The following RIN2 variants were observed in gnomAD, a reference collection of about 807,000 sequenced individuals.
RIN2 encodes the protein Ras and Rab interactor 2, also known as RAB5 interacting protein 2.
Under a neutral mutation model 78.0 loss-of-function variants are expected in RIN2, and 36 were observed. The ratio of observed to expected loss-of-function variants is 0.46; its 90% CI spans 0.35 to 0.61. RIN2 has a LOEUF of 0.61. RIN2 is among the 20% of genes least tolerant of loss of function. The pLI is 0.00. For synonymous variants in RIN2, 466 were observed against 466.8 expected (o/e 1.00, Z 0.02); for missense variants, 1,087 against 1,159.7 (o/e 0.94, Z 0.91).
chr20:19,900,614 C>A (rs76741561), intron 3 of RIN2, among the ~76,000 whole-genome samples: 3,536 of 150,758 alleles, frequency 0.023, 128 homozygotes, highest in African/African-American at 0.082. Context: ...CACAGGGAGA[C>A]CCTGTCTCTA....
At chr20:19,851,723 T>C (rs566429689) in intron 2 of RIN2, among the ~76,000 whole-genome samples, 8 of 152,214 alleles carry the variant, frequency 5.3e-5, no homozygotes, top group African/African-American at 1.9e-4. Flanking sequence ...CTCTCTTCTC[T>C]TGGGCTCCCA....
chr20:19,930,099 G>A (rs902938354), intron 3 of RIN2, among the ~76,000 whole-genome samples: 1 of 151,774 alleles, frequency 6.6e-6, no homozygotes, highest in South Asian at 2.1e-4. Flanking sequence ...GGCTGGGGCT[G>A]GGGGGGATGC....
intron 3 of RIN2, among the ~76,000 whole-genome samples, chr20:19,917,107 A>AT (rs200836610): frequency 3.2e-4 from 42 of 130,334 alleles, no homozygotes; most frequent in Admixed American, 1.2e-3. Context: ...TATTTAAAAA[A>AT]TTTAAAAAAA....
At chr20:19,910,878 A>G (rs2039436138) in intron 3 of RIN2, among the ~76,000 whole-genome samples, 1 of 151,066 alleles carries the variant, frequency 6.6e-6, no homozygotes, top group Non-Finnish European at 1.5e-5. Flanking sequence ...CCAGGAAGTG[A>G]GTTTATTGAT....
At chr20:19,915,223 G>C (rs1007287052) in intron 3 of RIN2, among the ~76,000 whole-genome samples, 1 of 152,172 alleles carries the variant, frequency 6.6e-6, no homozygotes, top group African/African-American at 2.4e-5. Flanking sequence ...AGGGGAGTGA[G>C]ACAGGAAGGG....
chr20:19,772,211 C>A (rs189346432), intron 1 of RIN2, among the ~76,000 whole-genome samples: 4 of 152,132 alleles, frequency 2.6e-5, no homozygotes, highest in South Asian at 4.1e-4. Flanking sequence ...CTTTAGAGAA[C>A]CTTCTCTTGA....
intron 3 of RIN2, among the ~76,000 whole-genome samples, chr20:19,891,055 C>G (rs2038437473): frequency 6.6e-6 from 1 of 152,152 alleles, no homozygotes; most frequent in South Asian, 2.1e-4. Context: ...CTGCAACAAA[C>G]AGTGAAGTTA....
intron 2 of RIN2, among the ~76,000 whole-genome samples, chr20:19,878,418 T>C (rs1463621660): frequency 6.6e-6 from 1 of 152,096 alleles, no homozygotes; most frequent in Non-Finnish European, 1.5e-5. Flanking sequence ...ACAGAGCTAT[T>C]GGAGGGAGAA....
chr20:19,903,063 A>C (rs1195102345), intron 3 of RIN2, among the ~76,000 whole-genome samples: 1 of 152,212 alleles, frequency 6.6e-6, no homozygotes, highest in Non-Finnish European at 1.5e-5. Context: ...ACTGTACTCC[A>C]GCCTGGGCAA....
At chr20:19,775,443 T>C (rs2034277551) in intron 1 of RIN2, among the ~76,000 whole-genome samples, 1 of 152,232 alleles carries the variant, frequency 6.6e-6, no homozygotes, top group African/African-American at 2.4e-5. Context: ...AGAGGATTTC[T>C]GACTGGTGGA....
At chr20:19,782,647 A>G (rs2122540557) in intron 1 of RIN2, among the ~76,000 whole-genome samples, 1 of 152,288 alleles carries the variant, frequency 6.6e-6, no homozygotes, top group East Asian at 1.9e-4. Context: ...GATGTCCCCA[A>G]GAATTGGAAA....
chr20:19,777,377 A>G (rs368949470), intron 1 of RIN2, among the ~76,000 whole-genome samples: 26 of 152,236 alleles, frequency 1.7e-4, no homozygotes, highest in African/African-American at 5.5e-4. Context: ...GGTAGCCCCA[A>G]TGTCTCTTAC....
chr20:19,821,181 T>G (rs2035914580), intron 2 of RIN2, among the ~76,000 whole-genome samples: 1 of 152,208 alleles, frequency 6.6e-6, no homozygotes, highest in African/African-American at 2.4e-5. Flanking sequence ...AACTATCCTT[T>G]GGTCATTTCC....
chr20:19,887,416 T>A (rs1271246724), intron 2 of RIN2, among the ~76,000 whole-genome samples: 1 of 152,166 alleles, frequency 6.6e-6, no homozygotes, highest in African/African-American at 2.4e-5. Flanking sequence ...TTTAATCCCA[T>A]GGGATGTACC....
chr20:19,909,515 G>C (rs1218247406), intron 3 of RIN2, among the ~76,000 whole-genome samples: 1 of 152,126 alleles, frequency 6.6e-6, no homozygotes, highest in Non-Finnish European at 1.5e-5. Flanking sequence ...GCATTTGTGT[G>C]CTTGTGTGCA....
intron 4 of RIN2, among the ~76,000 whole-genome samples, chr20:19,953,679 A>G (rs1456646485): frequency 1.3e-5 from 2 of 151,764 alleles, no homozygotes; most frequent in Non-Finnish European, 2.9e-5. Flanking sequence ...GTCTCAGATG[A>G]TCTGCCTCCC....
intron 1 of RIN2, among the ~76,000 whole-genome samples, chr20:19,763,030 G>A (rs1406010442): frequency 6.6e-6 from 1 of 152,114 alleles, no homozygotes; most frequent in African/African-American, 2.4e-5. Context: ...CTCCCAAAAT[G>A]CAGCAATTAC....
intron 8 of RIN2, among the ~76,000 whole-genome samples, chr20:19,973,039 A>G (rs1335668499): frequency 3.3e-5 from 5 of 152,212 alleles, no homozygotes; most frequent in Non-Finnish European, 7.3e-5. Context: ...GTTATTTTAT[A>G]CTTACAGCAT....
intron 9 of RIN2, among the ~76,000 whole-genome samples, chr20:19,976,662 A>G (rs2042287799): frequency 6.6e-6 from 1 of 152,174 alleles, no homozygotes; most frequent in Non-Finnish European, 1.5e-5. Context: ...TAATTTTAGA[A>G]GGTTGACTCT....
Sources: allele counts gnomAD v4.1 joint callset (sites outside exome capture counted in the v4.1 genomes callset), GRCh38; gene constraint gnomAD v4.1.1; transcripts MANE v1.5; gene names NCBI Gene and HGNC (gene_info 2026-07-23, HGNC 2026-07-21).